The following FRMPD3 variants were observed in gnomAD, a reference collection of about 807,000 sequenced individuals.
The protein encoded by FRMPD3 is FERM and PDZ domain-containing protein 3.
Under a neutral mutation model 97.9 loss-of-function variants are expected in FRMPD3, and 42 were observed. That is an observed-to-expected ratio of 0.43 (90% CI 0.34 to 0.55). The LOEUF is 0.55. FRMPD3 is among the 20% of genes least tolerant of loss of function. FRMPD3 has a pLI of 0.03. For synonymous variants in FRMPD3, 577 were observed against 581.1 expected (o/e 0.99, Z 0.10); for missense variants, 1,303 against 1,457.7 (o/e 0.89, Z 1.73).
At chrX:107,490,225 G>C (rs1194218476) in intron 1 of FRMPD3, among the ~76,000 whole-genome samples, 2 of 112,325 alleles carry the variant, frequency 1.8e-5, no homozygotes, top group Admixed American at 1.9e-4. Context: ...CTACCATGCT[G>C]TTTTGGTTAC....
chrX:107,450,130 G>T (rs1217436085), intron 1 of FRMPD3, among the ~76,000 whole-genome samples, 125 bp downstream of exon 1: 1 of 110,791 alleles, frequency 9.0e-6, no homozygotes, highest in Non-Finnish European at 1.9e-5. Context: ...GCCCCCGGGA[G>T]CCGGGGGCAG....
intron 1 of FRMPD3, among the ~76,000 whole-genome samples, chrX:107,451,921 C>T (rs971945085): frequency 1.7e-4 from 19 of 111,486 alleles, no homozygotes; most frequent in Non-Finnish European, 2.6e-4. Flanking sequence ...CTTCCCTGCT[C>T]CTGCCCCTCC....
At chrX:107,535,884 A>T (rs1178836002) in intron 4 of FRMPD3, among the ~76,000 whole-genome samples, 2 of 110,271 alleles carry the variant, frequency 1.8e-5, no homozygotes, top group African/African-American at 6.6e-5. Context: ...TGTGCCCTAG[A>T]CATACATATA....
At chrX:107,530,735 C>T (rs1166857223) in intron 3 of FRMPD3, among the ~76,000 whole-genome samples, 1 of 111,227 alleles carries the variant, frequency 9.0e-6, no homozygotes, top group Non-Finnish European at 1.9e-5. Flanking sequence ...TGTGAACAGA[C>T]GCAAAGAACT....
intron 1 of FRMPD3, among the ~76,000 whole-genome samples, chrX:107,505,273 A>G (rs758612322): frequency 8.9e-6 from 1 of 112,403 alleles, no homozygotes; most frequent in African/African-American, 3.2e-5. Context: ...TTGACCAACA[A>G]GAAAACTGAA....
intron 1 of FRMPD3, among the ~76,000 whole-genome samples, chrX:107,525,294 C>T (rs746721607): frequency 1.8e-5 from 2 of 111,763 alleles, no homozygotes; most frequent in South Asian, 7.5e-4. Context: ...CCTGCCCTGC[C>T]CTTCTCCTTG....
At position 107,533,748 on chromosome X, in the gene FRMPD3, G is replaced by A. The variant is rs191720976; in HGVS notation, c.297+198G>A. Among the ~76,000 whole-genome samples, 21 of 112,039 alleles carry A rather than the reference G, an allele frequency of 1.9e-4. No individual in the cohort carries two copies. The Admixed American group carries it at 2.0e-3, about 11-fold the overall frequency. On this transcript the variant is annotated intron_variant, in intron 4 of 14. Transcript: ENST00000683843. Reference sequence around the variant, plus strand: ...TGTCCAAAGCTGAGGACTTTGAAGGGCTGTGCTGTGCTGTGTTCTGTCCTG... The same window carrying A: ...TGTCCAAAGCTGAGGACTTTGAAGGACTGTGCTGTGCTGTGTTCTGTCCTG...
chrX:107,478,661 GA>G (rs924534090), intron 1 of FRMPD3, among the ~76,000 whole-genome samples: 119 of 107,912 alleles, frequency 1.1e-3, no homozygotes, highest in East Asian at 3.1e-3. Flanking sequence ...TATAAATAAA[GA>G]AAAAAAAAAT....
intron 4 of FRMPD3, among the ~76,000 whole-genome samples, chrX:107,540,324 G>A (rs976653017): frequency 3.6e-5 from 4 of 111,887 alleles, no homozygotes; most frequent in Non-Finnish European, 5.6e-5. Context: ...TAGCCAGAAG[G>A]GCAAATCAGT....
At chrX:107,544,294 G>C (rs956693593) in intron 4 of FRMPD3, among the ~76,000 whole-genome samples, 1 of 111,341 alleles carries the variant, frequency 9.0e-6, no homozygotes, top group Non-Finnish European at 1.9e-5. Context: ...AGTTAGACAG[G>C]AGGAATAAGT....
chrX:107,564,819 C>G (rs1378135791), intron 11 of FRMPD3, 68 bp from the exon 12 acceptor site: 1 of 1,099,375 alleles, frequency 9.1e-7, no homozygotes, highest in Non-Finnish European at 1.3e-6. Flanking sequence ...ATTTCCTCCT[C>G]CTGCCTCCTC....
intron 12 of FRMPD3, 93 bp from the exon 13 acceptor site, chrX:107,576,222 T>C: frequency 9.9e-7 from 1 of 1,013,917 alleles, no homozygotes; most frequent in Non-Finnish European, 1.4e-6. Flanking sequence ...CCTTTAACTA[T>C]GCAAGTCATC....
chrX:107,533,475 C>T (rs1412631708), intron 3 of FRMPD3, 30 bp from the exon 4 acceptor site: 3 of 1,177,916 alleles, frequency 2.5e-6, no homozygotes, highest in East Asian at 3.0e-5. Flanking sequence ...GCATGATACA[C>T]TACTCTCCTA....
chrX:107,567,836 G>A (rs1055077748), intron 12 of FRMPD3, among the ~76,000 whole-genome samples: 2 of 111,049 alleles, frequency 1.8e-5, no homozygotes, highest in African/African-American at 6.6e-5. Flanking sequence ...AGCTAATGTC[G>A]AGCTAGGGCA....
intron 1 of FRMPD3, among the ~76,000 whole-genome samples, chrX:107,489,647 G>T (rs1471215739): frequency 1.8e-5 from 2 of 112,201 alleles, no homozygotes; most frequent in Non-Finnish European, 1.9e-5. Flanking sequence ...TTTGAGAAGT[G>T]TCTGTTCATA....
intron 1 of FRMPD3, among the ~76,000 whole-genome samples, chrX:107,468,652 G>A (rs1931617124): frequency 8.9e-6 from 1 of 112,455 alleles, no homozygotes; most frequent in Non-Finnish European, 1.9e-5. Flanking sequence ...TACATTGCGT[G>A]CCTCAGACTA....
intron 1 of FRMPD3, among the ~76,000 whole-genome samples, chrX:107,452,622 C>T (rs1356179174): frequency 9.0e-6 from 1 of 111,724 alleles, no homozygotes; most frequent in Non-Finnish European, 1.9e-5. Context: ...GCTCGTGATG[C>T]TGTTGGTGCT....
intron 12 of FRMPD3, among the ~76,000 whole-genome samples, chrX:107,566,190 C>T (rs1922595283): frequency 8.8e-6 from 1 of 113,218 alleles, no homozygotes; most frequent in South Asian, 3.6e-4. Flanking sequence ...GGCCTGCCTG[C>T]CAGCTGGCGG....
In FRMPD3 at chrX:107,554,492, C is replaced by T. The variant is rs1921995460; in HGVS notation, c.750C>T (p.Tyr250=). 1.7e-6 allele frequency: 2 copies of T among 1,206,713 alleles called. No homozygotes were observed. Among genetic ancestry groups the T allele is most frequent in the Admixed American group, 2.2e-5 (1 of 45,553 alleles). The stretch of plus-strand genomic sequence containing the variant: ...GTCGGGATCCTGCTGCTTTTGAGTA[C>T]CTATACATCCAGGTAGAGTCTGGCT... The part of the protein sequence containing the change: ...LLRRDPAAFE[Y]LYIQSRNDVI... Residue 250 remains tyrosine (Y), a synonymous_variant, in exon 8 of 15, where the codon TAC becomes TAT. Transcript: ENST00000683843.
Sources: allele counts gnomAD v4.1 joint callset (sites outside exome capture counted in the v4.1 genomes callset), GRCh38; gene constraint gnomAD v4.1.1; transcripts MANE v1.5; gene names NCBI Gene and HGNC (gene_info 2026-07-23, HGNC 2026-07-21).